AP4E1: variants seen among roughly 807,000 people sequenced by gnomAD.
AP4E1 encodes the protein adaptor related protein complex 4 subunit epsilon 1, also known as AP-4 complex subunit epsilon-1.
In AP4E1, 56 loss-of-function variants were observed where a neutral mutation model predicts 128.2. The observed-to-expected ratio is 0.44, with a 90% CI of 0.35 to 0.55. The LOEUF (loss-of-function observed/expected upper bound fraction) is 0.55. Among genes scored for constraint, AP4E1 ranks in the 20% least tolerant of loss-of-function variants. The pLI is 0.00. For missense variants in AP4E1, 1,324 were observed against 1,307.7 expected (o/e 1.01, Z -0.19); for synonymous variants, 484 against 473.1 (o/e 1.02, Z -0.30).
chr15:50,926,456 A>G (rs367825591), intron 5 of AP4E1, among the ~76,000 whole-genome samples: 3 of 151,930 alleles, frequency 2.0e-5, no homozygotes, highest in East Asian at 3.9e-4. Flanking sequence ...AAAGTTGGAA[A>G]AGGTTTGCAA....
At chr15:50,936,168 G>A (rs1596469284) in intron 8 of AP4E1, among the ~76,000 whole-genome samples, 1 of 152,260 alleles carries the variant, frequency 6.6e-6, no homozygotes. Flanking sequence ...TGCTATGCAG[G>A]AATAAGGGGT....
chr15:50,968,690 C>T (rs1289418919), intron 15 of AP4E1, among the ~76,000 whole-genome samples: 4 of 152,122 alleles, frequency 2.6e-5, no homozygotes, highest in South Asian at 2.1e-4. Context: ...TGCAGTGGCA[C>T]GATCTGGGCT....
chr15:50,911,611 C>T (rs140128100), intron 1 of AP4E1, among the ~76,000 whole-genome samples: 26 of 151,562 alleles, frequency 1.7e-4, no homozygotes, highest in African/African-American at 6.1e-4. Context: ...GCCTCAGCCT[C>T]TCGAGTATCT....
In AP4E1 at chr15:51,005,416, C is replaced by G. The variant is rs909872091; in HGVS notation, c.*2754C>G. On this transcript the variant is annotated 3_prime_UTR_variant, in exon 21 of 21. Coordinates refer to ENST00000261842, the MANE Select transcript of AP4E1 (RefSeq NM_007347.5). ...AGGAAGAAGGGTACCAGAATAGTCC[C>G]TGTGGAGGCAGGCAGATCAGAGCTC... The G allele has an allele frequency of 1.3e-5, 2 of 152,608 alleles. No individual in the cohort carries two copies. The highest frequency in any genetic ancestry group is 4.8e-5 in the African/African-American group (2 of 41,410). 9.5% of individuals were successfully genotyped at this position (152,608 alleles called of 1,614,324 possible). A position where few individuals can be genotyped will look rare whatever the true frequency, so the allele number is the denominator to read the frequency against.
chr15:50,935,992 C>G (rs1310660727), intron 8 of AP4E1, among the ~76,000 whole-genome samples: 1 of 152,090 alleles, frequency 6.6e-6, no homozygotes, highest in Non-Finnish European at 1.5e-5. Context: ...GCCTGTGAAA[C>G]AAAAACTTGA....
At chr15:50,974,146 A>G (rs1283694927) in intron 15 of AP4E1, among the ~76,000 whole-genome samples, 1 of 152,004 alleles carries the variant, frequency 6.6e-6, no homozygotes, top group Non-Finnish European at 1.5e-5. Context: ...TTGTATTTTT[A>G]GTAGAGACAG....
chr15:50,932,964 T>A (rs1438451788), intron 7 of AP4E1, among the ~76,000 whole-genome samples: 1 of 152,234 alleles, frequency 6.6e-6, no homozygotes, highest in Non-Finnish European at 1.5e-5. Context: ...AATTTTATAT[T>A]AATGCATCAG....
chr15:50,921,783 T>C (rs1355413393), intron 3 of AP4E1, among the ~76,000 whole-genome samples: 1 of 152,174 alleles, frequency 6.6e-6, no homozygotes, highest in African/African-American at 2.4e-5. Flanking sequence ...CAAATATATT[T>C]TGTAATCGTA....
chr15:50,923,056 C>A (rs1305967501), intron 3 of AP4E1, among the ~76,000 whole-genome samples: 1 of 152,138 alleles, frequency 6.6e-6, no homozygotes, highest in African/African-American at 2.4e-5. Context: ...GGATAACAGG[C>A]GTGAGCCACC....
intron 16 of AP4E1, among the ~76,000 whole-genome samples, 190 bp from the exon 17 acceptor site, chr15:50,993,180 A>AG (rs1194310318): frequency 6.6e-6 from 1 of 152,176 alleles, no homozygotes; most frequent in African/African-American, 2.4e-5. Context: ...CTTTGACTGG[A>AG]GGGTAGAGGG....
At chr15:50,972,744 C>T (rs955914469) in intron 15 of AP4E1, among the ~76,000 whole-genome samples, 1 of 152,158 alleles carries the variant, frequency 6.6e-6, no homozygotes, top group Admixed American at 6.5e-5. Context: ...ATGTAGTTGC[C>T]TAGCCAGCCT....
At chr15:50,911,709 C>T (rs1346330472) in intron 1 of AP4E1, among the ~76,000 whole-genome samples, 1 of 152,036 alleles carries the variant, frequency 6.6e-6, no homozygotes, top group Non-Finnish European at 1.5e-5. Flanking sequence ...AACTGCTGAC[C>T]TCAAGTGATT....
chr15:50,963,686 T>G (rs538871595), intron 14 of AP4E1, among the ~76,000 whole-genome samples: 9 of 152,176 alleles, frequency 5.9e-5, no homozygotes, highest in Non-Finnish European at 1.3e-4. Flanking sequence ...TGTATAGTAT[T>G]TGTATATTTC....
At chr15:50,973,709 C>G (rs1442593388) in intron 15 of AP4E1, among the ~76,000 whole-genome samples, 1 of 152,142 alleles carries the variant, frequency 6.6e-6, no homozygotes, top group Non-Finnish European at 1.5e-5. Context: ...GCATAATATT[C>G]TTAAGTTTCA....
chr15:50,997,307 T>C lies in AP4E1; in HGVS notation c.2347-19T>C. The C allele has an allele frequency of 6.4e-7, 1 of 1,565,912 alleles. No individual in the cohort carries two copies. The highest frequency in any genetic ancestry group is 8.6e-7 in the Non-Finnish European group (1 of 1,161,624). ...AGTAGAATGATTTCTTTTTATATTA[T>C]TATGTTTTATTTTTGCAGCTGGGAA... On this transcript the variant is annotated intron_variant, in intron 17 of 20. Coordinates refer to ENST00000261842, the MANE Select transcript of AP4E1 (RefSeq NM_007347.5).
intron 14 of AP4E1, among the ~76,000 whole-genome samples, chr15:50,962,168 T>C (rs1173066383): frequency 6.6e-6 from 1 of 151,978 alleles, no homozygotes; most frequent in Non-Finnish European, 1.5e-5. Flanking sequence ...CACATGAATA[T>C]TGTTAAAATG....
At chr15:50,964,033 T>C (rs2064354828) in intron 14 of AP4E1, among the ~76,000 whole-genome samples, 1 of 152,230 alleles carries the variant, frequency 6.6e-6, no homozygotes, top group African/African-American at 2.4e-5. Context: ...TTCCTGCATA[T>C]GGATGTCTGT....
At chr15:50,926,411 C>T (rs761348718) in intron 5 of AP4E1, among the ~76,000 whole-genome samples, 1 of 152,062 alleles carries the variant, frequency 6.6e-6, no homozygotes, top group Admixed American at 6.6e-5. Context: ...GCTGAGATTA[C>T]ACATGTGAGC....
intron 18 of AP4E1, among the ~76,000 whole-genome samples, chr15:50,998,744 T>G (rs1285906475): frequency 6.6e-6 from 1 of 152,220 alleles, no homozygotes; most frequent in African/African-American, 2.4e-5. Context: ...CATCTGTATT[T>G]GTATTTATAT....
Sources: allele counts gnomAD v4.1 joint callset (sites outside exome capture counted in the v4.1 genomes callset), GRCh38; gene constraint gnomAD v4.1.1; transcripts MANE v1.5; gene names NCBI Gene and HGNC (gene_info 2026-07-23, HGNC 2026-07-21).